The following PHACTR1 variants were observed in gnomAD, a reference collection of about 807,000 sequenced individuals.
PHACTR1 encodes phosphatase and actin regulator 1, also known as RPEL repeat containing 1.
Under a neutral mutation model 69.2 loss-of-function variants are expected in PHACTR1, and 16 were observed. The ratio of observed to expected loss-of-function variants is 0.23; its 90% CI spans 0.16 to 0.35. The LOEUF (loss-of-function observed/expected upper bound fraction) is 0.35. PHACTR1 is among the 10% of genes least tolerant of loss of function. The pLI, the probability that PHACTR1 is intolerant of heterozygous loss-of-function variation, is 1.00. For synonymous variants in PHACTR1, 312 were observed against 284.5 expected (o/e 1.10, Z -0.97); for missense variants, 510 against 734.7 (o/e 0.69, Z 3.54).
intron 4 of PHACTR1, among the ~76,000 whole-genome samples, chr6:13,004,693 A>G (rs1798568337): frequency 6.6e-6 from 1 of 152,116 alleles, no homozygotes; most frequent in African/African-American, 2.4e-5. Flanking sequence ...TATTTGTCCT[A>G]ATGCTCTCCC....
At chr6:13,171,075 G>A (rs1277927610) in intron 6 of PHACTR1, among the ~76,000 whole-genome samples, 1 of 152,138 alleles carries the variant, frequency 6.6e-6, no homozygotes, top group African/African-American at 2.4e-5. Flanking sequence ...GCAGGTACTC[G>A]ATCAAGGTTA....
intron 4 of PHACTR1, among the ~76,000 whole-genome samples, chr6:12,785,559 G>T (rs1771439917): frequency 6.6e-6 from 1 of 152,188 alleles, no homozygotes. Context: ...GGAAAATTCA[G>T]ATTTCTTCTC....
At chr6:13,232,267 A>G (rs1344718166) in intron 10 of PHACTR1, among the ~76,000 whole-genome samples, 1 of 152,224 alleles carries the variant, frequency 6.6e-6, no homozygotes, top group Non-Finnish European at 1.5e-5. Context: ...ACAGTATGCC[A>G]GTATTCTTCC....
intron 4 of PHACTR1, among the ~76,000 whole-genome samples, chr6:12,818,364 C>G (rs1364382970): frequency 1.3e-5 from 2 of 152,172 alleles, no homozygotes; most frequent in Non-Finnish European, 2.9e-5. Context: ...GGCCTGTATC[C>G]AGGTAGTATT....
At chr6:13,079,529 G>A (rs933074995) in intron 5 of PHACTR1, among the ~76,000 whole-genome samples, 4 of 151,832 alleles carry the variant, frequency 2.6e-5, no homozygotes, top group East Asian at 1.9e-4. Flanking sequence ...CACTCCTCTC[G>A]CTACAGGAGA....
At chr6:13,124,900 A>G (rs1819293797) in intron 5 of PHACTR1, among the ~76,000 whole-genome samples, 1 of 152,156 alleles carries the variant, frequency 6.6e-6, no homozygotes, top group Non-Finnish European at 1.5e-5. Context: ...TTAGATCTTA[A>G]ATATAGGAAT....
At chr6:12,773,428 C>T (rs1441615432) in intron 4 of PHACTR1, among the ~76,000 whole-genome samples, 2 of 152,104 alleles carry the variant, frequency 1.3e-5, no homozygotes, top group Admixed American at 6.6e-5. Flanking sequence ...TACCATCTAG[C>T]CTCACCTGAT....
At chr6:13,139,113 C>CT (rs10656438) in intron 5 of PHACTR1, among the ~76,000 whole-genome samples, 72,225 of 141,914 alleles carry the variant, frequency 0.51, 19,096 homozygotes, top group East Asian at 0.71. Flanking sequence ...TGCTATTTGC[C>CT]TTTTTTTTTT....
intron 7 of PHACTR1, among the ~76,000 whole-genome samples, 198 bp from the exon 8 acceptor site, chr6:13,205,617 A>T (rs1299630451): frequency 1.3e-5 from 2 of 152,210 alleles, no homozygotes; most frequent in Non-Finnish European, 2.9e-5. Flanking sequence ...TGGCCAGTGC[A>T]AGTGCACTTG....
intron 4 of PHACTR1, among the ~76,000 whole-genome samples, chr6:12,919,290 G>A (rs542891367): frequency 1.8e-4 from 27 of 151,998 alleles, no homozygotes; most frequent in Non-Finnish European, 3.1e-4. Context: ...CTACAGGCAC[G>A]CACCACCATG....
intron 4 of PHACTR1, among the ~76,000 whole-genome samples, chr6:12,902,716 G>A (rs561701228): frequency 1.3e-5 from 2 of 152,244 alleles, no homozygotes; most frequent in South Asian, 2.1e-4. Flanking sequence ...TCAACTGGAT[G>A]ATGATTGAAT....
At chr6:13,243,512 C>G (rs534258387) in intron 10 of PHACTR1, among the ~76,000 whole-genome samples, 1 of 152,088 alleles carries the variant, frequency 6.6e-6, no homozygotes, top group Non-Finnish European at 1.5e-5. Flanking sequence ...GCCTTTCAGA[C>G]TGGCTCAGAG....
At chr6:12,917,061 G>T (rs1209100258) in intron 4 of PHACTR1, among the ~76,000 whole-genome samples, 2 of 152,230 alleles carry the variant, frequency 1.3e-5, no homozygotes, top group Non-Finnish European at 2.9e-5. Flanking sequence ...GGTGAGCTGT[G>T]ATTATAACTG....
chr6:12,805,589 G>C (rs6913075), intron 4 of PHACTR1, among the ~76,000 whole-genome samples: 55,582 of 150,278 alleles, frequency 0.37, 10,938 homozygotes, highest in African/African-American at 0.5. Context: ...CTCTCTCTCT[G>C]TCTCTCTTTC....
At chr6:12,883,701 G>A (rs1177009352) in intron 4 of PHACTR1, among the ~76,000 whole-genome samples, 1 of 152,130 alleles carries the variant, frequency 6.6e-6, no homozygotes, top group African/African-American at 2.4e-5. Flanking sequence ...GGGTCTGAGA[G>A]CTGGAACAAG....
intron 7 of PHACTR1, among the ~76,000 whole-genome samples, chr6:13,201,890 C>G (rs540701683): frequency 3.7e-4 from 57 of 152,356 alleles, no homozygotes; most frequent in African/African-American, 1.2e-3. Context: ...GGCTAATTCA[C>G]AGAAAGCAAG....
chr6:12,946,787 G>A (rs1398363978), intron 4 of PHACTR1, among the ~76,000 whole-genome samples: 1 of 149,752 alleles, frequency 6.7e-6, no homozygotes, highest in Non-Finnish European at 1.5e-5. Context: ...TACACATACA[G>A]TGCAATGATG....
At chr6:12,905,953 A>C (rs1260758537) in intron 4 of PHACTR1, among the ~76,000 whole-genome samples, 2 of 152,216 alleles carry the variant, frequency 1.3e-5, no homozygotes, top group Non-Finnish European at 2.9e-5. Flanking sequence ...GCTTCTAACT[A>C]TTTTAAAGTT....
At chr6:12,817,448 G>T (rs913060897) in intron 4 of PHACTR1, among the ~76,000 whole-genome samples, 2 of 152,154 alleles carry the variant, frequency 1.3e-5, no homozygotes, top group African/African-American at 4.8e-5. Flanking sequence ...TTGAAACCGG[G>T]CTCTGCCATA....
Sources: gnomAD v4.1 joint callset for allele counts (sites outside exome capture counted in the v4.1 genomes callset) on GRCh38, gnomAD v4.1.1 for gene constraint, MANE v1.5 for transcripts, NCBI Gene and HGNC (gene_info 2026-07-23, HGNC 2026-07-21) for gene names.